The following ADORA2B variants were observed in gnomAD, a reference collection of about 807,000 sequenced individuals.
The protein encoded by ADORA2B is adenosine A2b receptor.
In ADORA2B, 18 loss-of-function variants were observed where a neutral mutation model predicts 20.8. That is an observed-to-expected ratio of 0.87 (90% CI 0.60 to 1.29). ADORA2B has a LOEUF of 1.29. ADORA2B is among the 50% of genes most tolerant of loss of function. The pLI is 0.00. For missense variants in ADORA2B, 441 were observed against 422.7 expected, an observed-to-expected ratio of 1.04 and a Z score of -0.38; for synonymous variants, 179 against 178.3, an observed-to-expected ratio of 1.00 and a Z score of -0.03.
chr17:15,956,359 A>G (rs937153019), intron 1 of ADORA2B, among the ~76,000 whole-genome samples: 1 of 151,908 alleles, frequency 6.6e-6, no homozygotes, highest in African/African-American at 2.4e-5. Flanking sequence ...ACAGCTCCCA[A>G]AGCTTGCCCA....
At chr17:15,878,081 T>A in the ADORA2B span, among the ~76,000 whole-genome samples, 1 of 152,058 alleles carries the variant, frequency 6.6e-6, no homozygotes, top group Non-Finnish European at 1.5e-5. Context: ...TTCATTGCTA[T>A]CTGCCTGGAG....
chr17:15,891,322 C>A, the ADORA2B span, among the ~76,000 whole-genome samples: 5 of 152,226 alleles, frequency 3.3e-5, no homozygotes, highest in Non-Finnish European at 1.5e-5. Context: ...TATGCCTGTC[C>A]CAGGCAAGGA....
chr17:15,866,582 C>CT, the ADORA2B span, among the ~76,000 whole-genome samples: 1 of 151,664 alleles, frequency 6.6e-6, no homozygotes, highest in Admixed American at 6.6e-5. Context: ...TTCCTTATTG[C>CT]TTTTAAGAAT....
At chr17:15,909,957 C>T in the ADORA2B span, among the ~76,000 whole-genome samples, 9 of 152,308 alleles carry the variant, frequency 5.9e-5, no homozygotes, top group East Asian at 3.9e-4. Flanking sequence ...GGATCTGGCC[C>T]GGGTGCCCAT....
the ADORA2B span, among the ~76,000 whole-genome samples, chr17:15,876,353 T>C: frequency 7.9e-5 from 12 of 152,102 alleles, no homozygotes; most frequent in Middle Eastern, 0.01. Context: ...CATAGGAGGT[T>C]CAGGCTGTTG....
the ADORA2B span, among the ~76,000 whole-genome samples, chr17:15,857,933 G>A: frequency 7.2e-6 from 1 of 139,456 alleles, no homozygotes; most frequent in African/African-American, 2.6e-5. Context: ...CCTTTTTATG[G>A]GTGAATATCT....
the ADORA2B span, among the ~76,000 whole-genome samples, chr17:15,905,162 A>G: frequency 2.6e-5 from 4 of 152,172 alleles, no homozygotes; most frequent in Non-Finnish European, 5.9e-5. Context: ...CCAGTCCAGG[A>G]ACACAGAATA....
At chr17:15,854,523 T>C in the ADORA2B span, among the ~76,000 whole-genome samples, 3 of 152,264 alleles carry the variant, frequency 2.0e-5, no homozygotes, top group Admixed American at 1.3e-4. Flanking sequence ...TCATACTTAA[T>C]GGTGAAATAT....
At chr17:15,874,095 T>TATGTATAC in the ADORA2B span, among the ~76,000 whole-genome samples, 6 of 145,892 alleles carry the variant, frequency 4.1e-5, no homozygotes, top group African/African-American at 1.6e-4. Context: ...TATATATGTA[T>TATGTATAC]ACACACACAC....
the ADORA2B span, among the ~76,000 whole-genome samples, chr17:15,903,704 T>C: frequency 6.6e-6 from 1 of 152,244 alleles, no homozygotes; most frequent in Non-Finnish European, 1.5e-5. Flanking sequence ...ACAAAAGTTA[T>C]TCCATAAATG....
At chr17:15,890,187 C>G in the ADORA2B span, among the ~76,000 whole-genome samples, 1 of 129,562 alleles carries the variant, frequency 7.7e-6, no homozygotes, top group East Asian at 2.1e-4. Context: ...GATAAAGAGT[C>G]TTTTTAATTT....
At chr17:15,878,031 G>C in the ADORA2B span, among the ~76,000 whole-genome samples, 14 of 152,008 alleles carry the variant, frequency 9.2e-5, no homozygotes, top group Middle Eastern at 3.2e-3. Flanking sequence ...CTGTGGTTTC[G>C]TGGGGCTTCA....
chr17:15,940,810 C>T (rs115438358), upstream of ADORA2B, among the ~76,000 whole-genome samples: 366 of 152,330 alleles, frequency 2.4e-3, 1 homozygote, highest in African/African-American at 8.2e-3. Flanking sequence ...AAGTGATCCA[C>T]GACTTCACCT....
the ADORA2B span, among the ~76,000 whole-genome samples, chr17:15,873,577 C>A: frequency 1.3e-5 from 2 of 152,028 alleles, no homozygotes; most frequent in Admixed American, 1.3e-4. Flanking sequence ...AGAAAGTGGG[C>A]AAAGGATATG....
chr17:15,911,895 C>G, the ADORA2B span, among the ~76,000 whole-genome samples: 1 of 152,152 alleles, frequency 6.6e-6, no homozygotes, highest in Non-Finnish European at 1.5e-5. Context: ...AAGACCCTAT[C>G]TCTGCAAGAA....
upstream of ADORA2B, among the ~76,000 whole-genome samples, chr17:15,943,606 T>C (rs1969763563): frequency 6.6e-6 from 1 of 152,254 alleles, no homozygotes; most frequent in South Asian, 2.1e-4. Context: ...GTTTTGGGAT[T>C]ATAGGCGTGA....
intron 1 of ADORA2B, among the ~76,000 whole-genome samples, chr17:15,956,590 CTTTTTTTT>C (rs11290214): frequency 1.9e-5 from 1 of 51,420 alleles, no homozygotes; most frequent in African/African-American, 6.6e-5. Flanking sequence ...TTATGTGTGT[CTTTTTTTT>C]TTTTTTTTTT....
chr17:15,935,204 G>A, the ADORA2B span, among the ~76,000 whole-genome samples: 2 of 152,194 alleles, frequency 1.3e-5, no homozygotes, highest in East Asian at 3.9e-4. Flanking sequence ...TGTCTAGTGT[G>A]CTTTCATTTC....
At chr17:15,874,042 GTATATATATATATATATGTGTGTGTGTA>G in the ADORA2B span, among the ~76,000 whole-genome samples, 1 of 134,820 alleles carries the variant, frequency 7.4e-6, no homozygotes, top group African/African-American at 3.2e-5. Context: ...ATATATATGT[GTATATATATATATATATGTGTGTGTGTA>G]TATATATATA....
Sources: gnomAD v4.1 joint callset for allele counts (sites outside exome capture counted in the v4.1 genomes callset) on GRCh38, gnomAD v4.1.1 for gene constraint, MANE v1.5 for transcripts, NCBI Gene and HGNC (gene_info 2026-07-23, HGNC 2026-07-21) for gene names.